Variants in GRIP1 observed in about 807,000 individuals in gnomAD.
GRIP1 encodes glutamate receptor interacting protein 1.
Under a neutral mutation model 129.9 loss-of-function variants are expected in GRIP1, and 45 were observed. The ratio of observed to expected loss-of-function variants is 0.35; its 90% confidence interval spans 0.27 to 0.44. The LOEUF is 0.44. GRIP1 is among the 20% of genes least tolerant of loss of function. The pLI, the probability that GRIP1 is intolerant of heterozygous loss-of-function variation, is 1.00. For missense variants in GRIP1, 1,196 were observed against 1,396.8 expected (o/e 0.86, Z 2.29); for synonymous variants, 530 against 520.8 (o/e 1.02, Z -0.24).
At chr12:66,485,281 C>T (rs776779059) in intron 7 of GRIP1, among the ~76,000 whole-genome samples, 8 of 152,042 alleles carry the variant, frequency 5.3e-5, no homozygotes, top group African/African-American at 9.7e-5. Flanking sequence ...TGATGACTAA[C>T]GTAGTAGAGC....
chr12:67,019,090 G>A (rs541757518), intron 1 of GRIP1, among the ~76,000 whole-genome samples: 21 of 152,104 alleles, frequency 1.4e-4, no homozygotes, highest in Admixed American at 9.8e-4. Flanking sequence ...CACAAAAACC[G>A]TGGGTTGAGA....
rs140392140 is a variant in GRIP1, at chr12:66,485,683, TTG to T, written c.725-20263_725-20262del. ...CATATGCTTTTTTTTACAGGTTTCATTGTTTAATTTTATATTTATATCAGTAA... is the reference window on the plus strand; with the variant it reads ...CATATGCTTTTTTTTACAGGTTTCATTTTAATTTTATATTTATATCAGTAA... On this transcript the variant is annotated intron_variant, in intron 7 of 24. Coordinates refer to ENST00000359742, the MANE Select transcript of GRIP1 (RefSeq NM_001366722.1). Among the ~76,000 whole-genome samples, 1,454 of 152,086 alleles carry T rather than the reference TTG, an allele frequency of 9.6e-3. 25 individuals carry two copies. Among genetic ancestry groups the T allele is most frequent in the African/African-American group, 0.032 (1,346 of 41,540 alleles).
rs572236960 is a variant in GRIP1 at position 66,828,689 on chromosome 12, C to A, written c.59-231762G>T. Among the ~76,000 whole-genome samples the A allele has an allele frequency of 5.3e-5, 8 of 152,192 alleles. No individual in the cohort carries two copies. In the South Asian group the frequency reaches 1.7e-3, roughly 32 times the overall value. ...TAGACATATTAATATTAACACCTTC[C>A]CTTCAAAATTCAGCTCCAACTCCTT... On this transcript the variant is annotated intron_variant, in intron 1 of 1. Transcript: ENST00000643019.
intron 9 of GRIP1, among the ~76,000 whole-genome samples, chr12:66,459,578 T>C (rs1400485819): frequency 1.3e-5 from 2 of 152,218 alleles, no homozygotes; most frequent in Non-Finnish European, 2.9e-5. Context: ...TTACCAGCTA[T>C]TGCTTTCTCA....
chr12:66,889,936 T>G (rs2040630051), intron 1 of GRIP1, among the ~76,000 whole-genome samples: 1 of 152,132 alleles, frequency 6.6e-6, no homozygotes, highest in Non-Finnish European at 1.5e-5. Flanking sequence ...TTTTGTTTTT[T>G]GTTTTTTTTA....
chr12:66,411,230 A>G (rs1416035410), intron 15 of GRIP1, among the ~76,000 whole-genome samples: 1 of 152,136 alleles, frequency 6.6e-6, no homozygotes, highest in East Asian at 1.9e-4. Flanking sequence ...CCAGGTCTCC[A>G]GATCGGCATC....
chr12:66,721,622 T>A (rs895818850), intron 1 of GRIP1, among the ~76,000 whole-genome samples: 1 of 152,214 alleles, frequency 6.6e-6, no homozygotes, highest in African/African-American at 2.4e-5. Context: ...AAATCACAAG[T>A]GCATTAGCCC....
intron 1 of GRIP1, among the ~76,000 whole-genome samples, chr12:66,714,238 C>T (rs1475942618): frequency 6.6e-6 from 1 of 151,970 alleles, no homozygotes; most frequent in Admixed American, 6.6e-5. Flanking sequence ...AACTACAATT[C>T]ACGACTTAAG....
intron 1 of GRIP1, among the ~76,000 whole-genome samples, chr12:66,815,850 T>TCTCTCTCTC (rs1555241792): frequency 1.1e-4 from 7 of 65,484 alleles, no homozygotes; most frequent in Admixed American, 1.9e-4. Flanking sequence ...CTTTCTTTCT[T>TCTCTCTCTC]TCTTTCTCTC....
intron 4 of GRIP1, among the ~76,000 whole-genome samples, chr12:66,530,285 G>A (rs1317493808): frequency 6.6e-6 from 1 of 152,078 alleles, no homozygotes; most frequent in Non-Finnish European, 1.5e-5. Context: ...CAATATTTTT[G>A]TAACACTTGT....
intron 2 of GRIP1, chr12:66,568,043 A>G (rs780757683): frequency 4.6e-6 from 1 of 217,378 alleles, no homozygotes; most frequent in Non-Finnish European, 9.5e-6. Context: ...CAATGAATTG[A>G]ATCTTTCTGA....
At chr12:66,407,008 A>C (rs528981681) in intron 15 of GRIP1, among the ~76,000 whole-genome samples, 1 of 152,302 alleles carries the variant, frequency 6.6e-6, no homozygotes, top group Non-Finnish European at 1.5e-5. Flanking sequence ...AGGTCTGTTG[A>C]AAAAAATTTT....
chr12:66,375,543 G>A (rs998320826), intron 22 of GRIP1, among the ~76,000 whole-genome samples: 5 of 152,192 alleles, frequency 3.3e-5, no homozygotes, highest in African/African-American at 4.8e-5. Context: ...TGATAAAAGT[G>A]TAAATATAAC....
intron 1 of GRIP1, among the ~76,000 whole-genome samples, chr12:66,882,139 A>G (rs979922941): frequency 6.6e-6 from 1 of 151,796 alleles, no homozygotes; most frequent in Non-Finnish European, 1.5e-5. Flanking sequence ...CTCTGTCATT[A>G]AACATTCAAC....
At chr12:66,877,084 C>T (rs1203592754) in intron 1 of GRIP1, among the ~76,000 whole-genome samples, 3 of 151,984 alleles carry the variant, frequency 2.0e-5, no homozygotes, top group Admixed American at 1.3e-4. Flanking sequence ...TTATCAATGA[C>T]GGGTTACCAT....
intron 4 of GRIP1, among the ~76,000 whole-genome samples, chr12:66,531,560 A>C (rs1399847544): frequency 6.6e-6 from 1 of 152,152 alleles, no homozygotes; most frequent in East Asian, 1.9e-4. Context: ...TCGGCTGAAA[A>C]ACAACATAAA....
intron 1 of GRIP1, among the ~76,000 whole-genome samples, chr12:66,934,477 TC>T (rs1387295208): frequency 6.6e-6 from 1 of 152,198 alleles, no homozygotes; most frequent in Non-Finnish European, 1.5e-5. Context: ...TAGCTGCAGA[TC>T]TGAAAGGGGC....
intron 1 of GRIP1, among the ~76,000 whole-genome samples, chr12:66,918,096 A>C (rs56076166): frequency 0.018 from 2,747 of 151,544 alleles, 46 homozygotes; most frequent in South Asian, 0.046. Context: ...CAAGATCTGC[A>C]AGGTAAGTTG....
chr12:66,925,707 C>T lies in GRIP1; in HGVS notation c.58+143343G>A, dbSNP rs945301020. Among the ~76,000 whole-genome samples, 12 of 152,146 alleles carry T rather than the reference C, an allele frequency of 7.9e-5. No homozygotes were observed. In the East Asian group the frequency reaches 2.3e-3, roughly 29 times the overall value. ...TTTCCCAGGCTGGAGTGCAATGGAG[C>T]GATCTTGGCTCACTGCAACCTCCAC... On this transcript the variant is annotated intron_variant, in intron 1 of 1. Transcript: ENST00000643019.
Sources: gnomAD v4.1 joint callset for allele counts (sites outside exome capture counted in the v4.1 genomes callset) on GRCh38, gnomAD v4.1.1 for gene constraint, MANE v1.5 for transcripts, NCBI Gene and HGNC (gene_info 2026-07-23, HGNC 2026-07-21) for gene names.